Variants in TRAM2 observed in about 807,000 individuals in gnomAD.
TRAM2 encodes translocating chain-associated membrane protein 2.
In TRAM2, 12 loss-of-function variants were observed where a neutral mutation model predicts 51.0. The observed-to-expected ratio is 0.24, with a 90% CI of 0.15 to 0.38. The LOEUF is 0.38. Among genes scored for constraint, TRAM2 ranks in the 10% least tolerant of loss-of-function variants. The probability of loss-of-function intolerance (pLI) is 1.00; values close to 1 mark genes in which losing one functional copy is unlikely to be tolerated. For synonymous variants in TRAM2, 175 were observed against 179.4 expected (o/e 0.98, Z 0.20); for missense variants, 361 against 462.0 (o/e 0.78, Z 2.00).
chr6:52,537,573 A>T (rs1766997915), intron 1 of TRAM2, among the ~76,000 whole-genome samples: 1 of 152,106 alleles, frequency 6.6e-6, no homozygotes, highest in Non-Finnish European at 1.5e-5. Flanking sequence ...CCAGCTGTTC[A>T]AGGGGCATGA....
intron 1 of TRAM2, among the ~76,000 whole-genome samples, chr6:52,538,693 C>T (rs1479896620): frequency 6.6e-6 from 1 of 152,210 alleles, no homozygotes; most frequent in Non-Finnish European, 1.5e-5. Context: ...GGCATTTTGT[C>T]AAACTCCCCA....
At chr6:52,575,344 G>A (rs1314587583) in intron 1 of TRAM2, among the ~76,000 whole-genome samples, 1 of 152,156 alleles carries the variant, frequency 6.6e-6, no homozygotes, top group East Asian at 1.9e-4. Context: ...CACACTTCCA[G>A]GGGAGAACCC....
chr6:52,504,861 T>G, intron 9 of TRAM2, 107 bp from the exon 10 acceptor site: 1 of 1,012,450 alleles, frequency 9.9e-7, no homozygotes, highest in Non-Finnish European at 1.4e-6. Context: ...TCCCATGGCT[T>G]ATCACGTCCG....
chr6:52,569,048 CA>C (rs1445032700), intron 1 of TRAM2, among the ~76,000 whole-genome samples: 1 of 152,128 alleles, frequency 6.6e-6, no homozygotes, highest in African/African-American at 2.4e-5. Flanking sequence ...CTCCTAACTC[CA>C]GCCAGGGTTT....
At chr6:52,542,951 T>C (rs1767130759) in intron 1 of TRAM2, among the ~76,000 whole-genome samples, 1 of 152,232 alleles carries the variant, frequency 6.6e-6, no homozygotes, top group Admixed American at 6.5e-5. Context: ...AATCGGGTAC[T>C]GAAAAACAGA....
Position 52,504,474 on chromosome 6 carries a change from GAGA to G in TRAM2, c.1039+114_1039+116del, listed in dbSNP as rs113674214. ...CAGCCCTGAGGTAAGAGTCAGGAAG[GAGA>G]AGCTGGCAGGATTGGTCTGGGCAGC... On this transcript the variant is annotated intron_variant, in intron 10 of 10. Transcript: ENST00000182527. 1,982 of 1,513,556 alleles carry G rather than the reference GAGA, an allele frequency of 1.3e-3. 24 individuals carry two copies. The African/African-American group carries it at 0.024, about 18-fold the overall frequency. The allele number at this position is 1,513,556 out of a possible 1,614,324, so 93.8% of individuals were successfully genotyped here. A position where few individuals can be genotyped will look rare whatever the true frequency, so the allele number is the denominator to read the frequency against.
intron 2 of TRAM2, among the ~76,000 whole-genome samples, chr6:52,521,302 A>AGGTT (rs1766668910): frequency 6.6e-6 from 1 of 152,148 alleles, no homozygotes; most frequent in Non-Finnish European, 1.5e-5. Flanking sequence ...AGAACTATAG[A>AGGTT]GGTTGGACCT....
At chr6:52,549,197 G>A (rs1450200441) in intron 1 of TRAM2, among the ~76,000 whole-genome samples, 1 of 152,024 alleles carries the variant, frequency 6.6e-6, no homozygotes, top group African/African-American at 2.4e-5. Flanking sequence ...TGGAAGAAAC[G>A]ATATCTGGCC....
intron 1 of TRAM2, among the ~76,000 whole-genome samples, chr6:52,571,513 C>T (rs911104873): frequency 5.9e-5 from 9 of 152,180 alleles, no homozygotes; most frequent in South Asian, 2.1e-4. Flanking sequence ...ACCTATTTAA[C>T]TTGCAGGGCA....
chr6:52,545,008 T>C (rs552426421), intron 1 of TRAM2, among the ~76,000 whole-genome samples: 3 of 152,348 alleles, frequency 2.0e-5, no homozygotes, highest in Non-Finnish European at 4.4e-5. Context: ...TACACAGTTA[T>C]ATACGTATAA....
chr6:52,514,534 G>T (rs1261726728), intron 4 of TRAM2, among the ~76,000 whole-genome samples: 1 of 152,152 alleles, frequency 6.6e-6, no homozygotes, highest in Non-Finnish European at 1.5e-5. Flanking sequence ...AAACTAATTA[G>T]CATCATGTTC....
intron 1 of TRAM2, among the ~76,000 whole-genome samples, chr6:52,536,473 T>A (rs1411121873): frequency 6.6e-6 from 1 of 152,228 alleles, no homozygotes; most frequent in Non-Finnish European, 1.5e-5. Flanking sequence ...CACCTAGTTA[T>A]GAATGGCCAA....
At chr6:52,576,648 G>A (rs1194373226) in intron 1 of TRAM2, 148 bp downstream of exon 1, 3 of 1,099,032 alleles carry the variant, frequency 2.7e-6, no homozygotes, top group South Asian at 3.2e-5. Context: ...GGCCGGAGGG[G>A]TACAGTGCAC....
At chr6:52,567,514 A>G (rs1411445769) in intron 1 of TRAM2, among the ~76,000 whole-genome samples, 2 of 152,270 alleles carry the variant, frequency 1.3e-5, no homozygotes, top group African/African-American at 4.8e-5. Context: ...AGGCTGGGCA[A>G]AGAATGACAG....
At chr6:52,503,890 C>T (rs1766288836) in intron 10 of TRAM2, among the ~76,000 whole-genome samples, 1 of 152,224 alleles carries the variant, frequency 6.6e-6, no homozygotes, top group Non-Finnish European at 1.5e-5. Context: ...CCAGGCCTGA[C>T]TCTGTGACAC....
At chr6:52,556,534 GC>G (rs559386100) in intron 1 of TRAM2, among the ~76,000 whole-genome samples, 158 of 151,898 alleles carry the variant, frequency 1.0e-3, no homozygotes, top group African/African-American at 3.7e-3. Flanking sequence ...CACTCGCCTT[GC>G]CCCCACAGAG....
chr6:52,525,559 C>T (rs1766761776), intron 2 of TRAM2, among the ~76,000 whole-genome samples: 1 of 152,160 alleles, frequency 6.6e-6, no homozygotes, highest in Admixed American at 6.5e-5. Context: ...CCTGTAATCC[C>T]AGCACTTTGG....
In TRAM2 at chr6:52,509,676, C is replaced by T. The variant is rs1300837304; in HGVS notation, c.412-90G>A. 8 of 1,071,426 alleles carry T rather than the reference C, an allele frequency of 7.5e-6. No individual in the cohort carries two copies. The African/African-American group carries it at 1.1e-4, about 15-fold the overall frequency. 66.4% of individuals were successfully genotyped at this position (1,071,426 alleles called of 1,614,324 possible). On this transcript the variant is annotated intron_variant, in intron 4 of 10. Coordinates refer to ENST00000182527, the MANE Select transcript of TRAM2 (RefSeq NM_012288.4). The stretch of plus-strand genomic sequence containing the variant: ...CCGGTCCAGGGGTCAGGGATGCATC[C>T]AGTCCCCACCTGACAGAAAGAGGAA...
intron 4 of TRAM2, among the ~76,000 whole-genome samples, chr6:52,514,305 CTCT>C (rs1581871557): frequency 6.6e-6 from 1 of 152,160 alleles, no homozygotes; most frequent in Non-Finnish European, 1.5e-5. Flanking sequence ...AGAACTACAT[CTCT>C]TCTTCTTCAA....
Sources: gnomAD v4.1 joint callset for allele counts (sites outside exome capture counted in the v4.1 genomes callset) on GRCh38, gnomAD v4.1.1 for gene constraint, MANE v1.5 for transcripts, NCBI Gene and HGNC (gene_info 2026-07-23, HGNC 2026-07-21) for gene names.